Variants in PRPF19 observed in about 807,000 individuals in gnomAD.
PRPF19 encodes pre-mRNA processing factor 19, also known as pre-mRNA-processing factor 19.
In PRPF19, 2 loss-of-function variants were observed where a neutral mutation model predicts 64.2. That is an observed-to-expected ratio of 0.03 (90% CI 0.01 to 0.10). The LOEUF is 0.10. Among genes scored for constraint, PRPF19 ranks in the 10% least tolerant of loss-of-function variants. The pLI is 1.00. For synonymous variants in PRPF19, 226 were observed against 251.6 expected, an observed-to-expected ratio of 0.90 and a Z score of 0.96; for missense variants, 314 against 650.0, an observed-to-expected ratio of 0.48 and a Z score of 5.62.
chr11:60,901,490 A>G lies in PRPF19; in HGVS notation c.567+9T>C. 6.2e-7 allele frequency: 1 copy of G among 1,614,230 alleles called. No homozygotes were observed. The highest frequency in any genetic ancestry group is 8.5e-7 in the Non-Finnish European group (1 of 1,180,044). On this transcript the variant is annotated intron_variant, in intron 7 of 15. Transcript: ENST00000227524. The stretch of plus-strand genomic sequence containing the variant: ...AGCTCTTTCTCCAGGCTTCAGAAAG[A>G]GAACTCACCTTCTTGCGCTCCGTGG...
intron 15 of PRPF19, among the ~76,000 whole-genome samples, chr11:60,891,755 G>A (rs963390526): frequency 6.6e-6 from 1 of 152,142 alleles, no homozygotes; most frequent in Non-Finnish European, 1.5e-5. Context: ...ATTCCTTCTA[G>A]ATTTAGGATC....
rs769796127 is a variant in PRPF19, at chr11:60,898,744, C to A, written c.1054+118G>T. On this transcript the variant is annotated intron_variant, in intron 12 of 15. Transcript: ENST00000227524. The surrounding 1 kb of genome is among the most constrained non-coding windows in gnomAD (Gnocchi z 4.6). ...CAGTGAACCCAGCACAAAGCCCGCACTAGACAGGTGCTCATGGTAAATATA... is the reference window on the plus strand; with the variant it reads ...CAGTGAACCCAGCACAAAGCCCGCAATAGACAGGTGCTCATGGTAAATATA... 1 of 1,554,000 alleles carries A rather than the reference C, an allele frequency of 6.4e-7. No individual in the cohort carries two copies. The highest frequency in any genetic ancestry group is 8.7e-7 in the Non-Finnish European group (1 of 1,145,538).
intron 15 of PRPF19, among the ~76,000 whole-genome samples, chr11:60,895,508 G>A (rs984634623): frequency 1.3e-5 from 2 of 152,192 alleles, no homozygotes; most frequent in Non-Finnish European, 2.9e-5. Flanking sequence ...ATTCTATCCA[G>A]ACCACTGAAA....
Position 60,900,608 on chromosome 11 carries a change from T to C in PRPF19, c.802A>G (p.Thr268Ala). 2 of 1,555,446 alleles carry C rather than the reference T, an allele frequency of 1.3e-6. No individual in the cohort carries two copies. Among genetic ancestry groups the C allele is most frequent in the Non-Finnish European group, 1.7e-6 (2 of 1,148,356 alleles). ...ATLKGHTKKV[T>A]SVVFHPSQDL... The stretch of plus-strand genomic sequence containing the variant: ...TGGGAAGGGTGAAACACCACGCTGG[T>C]GACCTTCTTGGTATGGCCTTTGAGG... Residue 268 changes from threonine (T) to alanine (A), a missense_variant, in exon 10 of 16, where the codon ACC (threonine) becomes GCC (alanine). Physicochemically the swap from Thr to Ala is moderately conservative, Grantham distance 58. Coordinates refer to ENST00000227524, the MANE Select transcript of PRPF19 (RefSeq NM_014502.5).
At chr11:60,895,233 G>T (rs1447982567) in intron 15 of PRPF19, among the ~76,000 whole-genome samples, 2 of 152,210 alleles carry the variant, frequency 1.3e-5, no homozygotes, top group East Asian at 3.8e-4. Context: ...TTGAAAATCT[G>T]TTGTTGAGTG....
At chr11:60,892,339 G>A (rs780083738) in intron 15 of PRPF19, among the ~76,000 whole-genome samples, 76 of 152,198 alleles carry the variant, frequency 5.0e-4, no homozygotes, top group Non-Finnish European at 7.5e-4. Context: ...TGCCCAAATC[G>A]GGTCTGTTTT....
rs1268990135 is a variant in PRPF19 at position 60,898,774 on chromosome 11, T to A, written c.1054+88A>T. On this transcript the variant is annotated intron_variant, in intron 12 of 15. Coordinates refer to ENST00000227524, the MANE Select transcript of PRPF19 (RefSeq NM_014502.5). This position sits in a 1 kb window ranked among gnomAD's most constrained non-coding sequence, Gnocchi z 4.6. The stretch of plus-strand genomic sequence containing the variant: ...CAGGTGCTCATGGTAAATATATCTT[T>A]AGAACAAATAAACAAATGACTAAAT... 1 of 1,505,384 alleles carries A rather than the reference T, an allele frequency of 6.6e-7. No individual in the cohort carries two copies. The highest frequency in any genetic ancestry group is 1.4e-5 in the African/African-American group (1 of 70,532). The allele number at this position is 1,505,384 out of a possible 1,614,324, so 93.3% of individuals were successfully genotyped here.
At chr11:60,897,155 G>T (rs943538170) in intron 15 of PRPF19, among the ~76,000 whole-genome samples, 2 of 152,114 alleles carry the variant, frequency 1.3e-5, no homozygotes, top group Non-Finnish European at 2.9e-5. Context: ...CTATACCAGT[G>T]TACCATTTTA....
In PRPF19 at chr11:60,899,218, A is replaced by G. The variant is rs746595209; in HGVS notation, c.915T>C (p.His305=). The change falls in exon 11 of 16, where the codon CAT becomes CAC. Residue 305 remains histidine (H), a synonymous_variant. Transcript: ENST00000227524. The part of the protein sequence containing the change: ...NASCVQVVRA[H]ESAVTGLSLH... Reference sequence around the variant, plus strand: ...GGCTGAGGCCTGTCACAGCACTCTCATGGGCCCGAACCACCTGTACACAAG... The same window carrying G: ...GGCTGAGGCCTGTCACAGCACTCTCGTGGGCCCGAACCACCTGTACACAAG... 7 of 1,612,896 alleles carry G rather than the reference A, an allele frequency of 4.3e-6. No homozygotes were observed. Among genetic ancestry groups the G allele is most frequent in the Non-Finnish European group, 5.9e-6 (7 of 1,178,882 alleles).
chr11:60,904,012 G>T, intron 1 of PRPF19, 151 bp from the exon 2 acceptor site: 1 of 866,396 alleles, frequency 1.2e-6, no homozygotes. Context: ...TTCTGTACTG[G>T]CCCCAGAATG....
chr11:60,900,944 AC>A lies in PRPF19; in HGVS notation c.643-16del. The A allele has an allele frequency of 6.2e-7, 1 of 1,614,020 alleles. No homozygotes were observed. The highest frequency in any genetic ancestry group is 1.1e-5 in the South Asian group (1 of 91,076). ...CTGTGCAACCCCTTTGCAGAGAGACACACCAAACCCTGTCACGGCCAAATCA... is the reference window on the plus strand; with the variant it reads ...CTGTGCAACCCCTTTGCAGAGAGACAACCAAACCCTGTCACGGCCAAATCA... On this transcript the variant is annotated splice_polypyrimidine_tract_variant and intron_variant, in intron 8 of 15. Transcript: ENST00000227524.
At chr11:60,906,246 C>G (rs1419134088) in intron 1 of PRPF19, 118 bp downstream of exon 1, 25 of 1,411,938 alleles carry the variant, frequency 1.8e-5, no homozygotes, top group Non-Finnish European at 2.3e-5. Context: ...CGCCGCTCGG[C>G]CTCCGGAGCG....
In PRPF19 at chr11:60,903,884, G is replaced by A. The variant is rs763696875; in HGVS notation, c.20-23C>T. The A allele has an allele frequency of 5.6e-6, 9 of 1,602,572 alleles. No individual in the cohort carries two copies. In the East Asian group the frequency reaches 1.8e-4, roughly 32 times the overall value. On this transcript the variant is annotated intron_variant, in intron 1 of 15. Transcript: ENST00000227524. Reference sequence around the variant, plus strand: ...AGACTGTAGAGAAAAGGCTGGTAGTGAGCTTGGAGTGAAGGCAATCTTGGG... The same window carrying A: ...AGACTGTAGAGAAAAGGCTGGTAGTAAGCTTGGAGTGAAGGCAATCTTGGG...
At chr11:60,903,679 A>T (rs1005880610) in intron 2 of PRPF19, 33 bp downstream of exon 2, 1 of 1,580,312 alleles carries the variant, frequency 6.3e-7, no homozygotes, top group Middle Eastern at 1.8e-4. Context: ...CTCTGAGCTA[A>T]GATGGCCCTA....
intron 15 of PRPF19, among the ~76,000 whole-genome samples, chr11:60,894,547 TG>T (rs1855899647): frequency 6.6e-6 from 1 of 152,318 alleles, no homozygotes; most frequent in Admixed American, 6.5e-5. Context: ...ACTCCCTCCA[TG>T]GAAGTCCTCA....
In PRPF19 at chr11:60,891,019, G is replaced by A; in HGVS notation, c.*147C>T. On this transcript the variant is annotated 3_prime_UTR_variant, in exon 16 of 16. Transcript: ENST00000227524. Reference sequence around the variant, plus strand: ...TGGTCCATGCCACCATGGTTCTCAGGCCACCACTCAGACCAGAGTGAAATG... The same window carrying A: ...TGGTCCATGCCACCATGGTTCTCAGACCACCACTCAGACCAGAGTGAAATG... 7.6e-6 allele frequency: 5 copies of A among 660,214 alleles called. No homozygotes were observed. Among genetic ancestry groups the A allele is most frequent in the South Asian group, 1.8e-5 (1 of 56,382 alleles). 40.9% of individuals were successfully genotyped at this position (660,214 alleles called of 1,614,324 possible).
chr11:60,898,735 A>G lies in PRPF19; in HGVS notation c.1055-109T>C. 1.3e-6 allele frequency: 2 copies of G among 1,574,450 alleles called. No homozygotes were observed. The highest frequency in any genetic ancestry group is 1.1e-5 in the South Asian group (1 of 87,454). On this transcript the variant is annotated intron_variant, in intron 12 of 15. Coordinates refer to ENST00000227524, the MANE Select transcript of PRPF19 (RefSeq NM_014502.5). The surrounding 1 kb of genome is among the most constrained non-coding windows in gnomAD (Gnocchi z 4.6). Reference sequence around the variant, plus strand: ...CACATTCCTCAGTGAACCCAGCACAAAGCCCGCACTAGACAGGTGCTCATG... The same window carrying G: ...CACATTCCTCAGTGAACCCAGCACAGAGCCCGCACTAGACAGGTGCTCATG...
chr11:60,891,070 C>A lies in PRPF19; in HGVS notation c.*96G>T. On this transcript the variant is annotated 3_prime_UTR_variant, in exon 16 of 16. Transcript: ENST00000227524. ...ATGTGAATGTCCCACCCCACAGAGC[C>A]CCCTCCCCCCATAGATTCCCCCCAC... 1 of 230,230 alleles carries A rather than the reference C, an allele frequency of 4.3e-6. No individual in the cohort carries two copies. Among genetic ancestry groups the A allele is most frequent in the South Asian group, 3.0e-5 (1 of 32,862 alleles). 14.3% of individuals were successfully genotyped at this position (230,230 alleles called of 1,614,324 possible). A position where few individuals can be genotyped will look rare whatever the true frequency, so the allele number is the denominator to read the frequency against.
intron 2 of PRPF19, 44 bp downstream of exon 2, chr11:60,903,668 G>A (rs1856010313): frequency 1.1e-5 from 18 of 1,577,172 alleles, no homozygotes; most frequent in Non-Finnish European, 1.5e-5. Context: ...ATCCTCTCAG[G>A]CTCTGAGCTA....
Sources: allele counts gnomAD v4.1 joint callset (sites outside exome capture counted in the v4.1 genomes callset), GRCh38; gene constraint gnomAD v4.1.1; non-coding constraint Gnocchi (gnomAD v3.1); transcripts MANE v1.5; gene names NCBI Gene and HGNC (gene_info 2026-07-23, HGNC 2026-07-21).